DENND2B: variants seen among roughly 807,000 people sequenced by gnomAD.
DENND2B encodes DENN domain containing 2B.
In DENND2B, 32 loss-of-function variants were observed where a neutral mutation model predicts 116.0. The observed-to-expected ratio is 0.28, with a 90% CI of 0.21 to 0.37. DENND2B has a LOEUF of 0.37. DENND2B is among the 10% of genes least tolerant of loss of function. The pLI is 1.00. For missense variants in DENND2B, 1,276 were observed against 1,477.7 expected, an observed-to-expected ratio of 0.86 and a Z score of 2.24; for synonymous variants, 588 against 583.9, an observed-to-expected ratio of 1.01 and a Z score of -0.10.
chr11:8,733,537 C>T (rs2048459267), intron 2 of DENND2B, among the ~76,000 whole-genome samples: 1 of 152,186 alleles, frequency 6.6e-6, no homozygotes, highest in Non-Finnish European at 1.5e-5. Flanking sequence ...AGATGGCAGG[C>T]ACCTAATGAG....
upstream of DENND2B, among the ~76,000 whole-genome samples, chr11:8,812,972 C>G (rs950822765): frequency 3.7e-4 from 57 of 152,192 alleles, 1 homozygote; most frequent in African/African-American, 1.1e-3. Flanking sequence ...TTTATTGACA[C>G]GAGGTCTTAT....
chr11:8,800,911 G>A (rs1161218240), intron 1 of DENND2B, among the ~76,000 whole-genome samples: 4 of 152,064 alleles, frequency 2.6e-5, no homozygotes, highest in African/African-American at 9.7e-5. Flanking sequence ...TGAAAGAGGA[G>A]TGAGACTGCT....
At chr11:8,789,062 C>T (rs2059155074) in intron 1 of DENND2B, among the ~76,000 whole-genome samples, 1 of 152,198 alleles carries the variant, frequency 6.6e-6, no homozygotes, top group Non-Finnish European at 1.5e-5. Context: ...AATTGCTAGT[C>T]AGATACCACA....
chr11:8,780,002 G>T (rs528683424), intron 1 of DENND2B, among the ~76,000 whole-genome samples: 1 of 152,324 alleles, frequency 6.6e-6, no homozygotes, highest in East Asian at 1.9e-4. Context: ...AACTATTCCT[G>T]TGTTGGCCTG....
intron 4 of DENND2B, chr11:8,832,451 CAAAA>C (rs10715263): frequency 2.0e-5 from 2 of 100,650 alleles, no homozygotes; most frequent in Non-Finnish European, 4.2e-5. Flanking sequence ...ACTCTGTCTC[CAAAA>C]AAAAAAAAAA....
At chr11:8,772,128 T>TACACACACACACACACACACAC (rs143227157) in intron 1 of DENND2B, among the ~76,000 whole-genome samples, 19 of 147,258 alleles carry the variant, frequency 1.3e-4, no homozygotes, top group African/African-American at 4.8e-4. Flanking sequence ...ATGGAAGCTC[T>TACACACACACACACACACACAC]ACACACACAC....
chr11:8,727,174 T>C (rs2047216711), intron 3 of DENND2B, among the ~76,000 whole-genome samples: 1 of 152,206 alleles, frequency 6.6e-6, no homozygotes, highest in African/African-American at 2.4e-5. Flanking sequence ...GGAAAGGCAC[T>C]GACTGGATCC....
intron 4 of DENND2B, among the ~76,000 whole-genome samples, chr11:8,833,461 T>C (rs2062296505): frequency 6.6e-6 from 1 of 152,082 alleles, no homozygotes; most frequent in Non-Finnish European, 1.5e-5. Context: ...AGATGACACT[T>C]CCCCTTCTCA....
intron 1 of DENND2B, chr11:8,776,663 C>G (rs1431605667): frequency 1.1e-5 from 2 of 190,384 alleles, no homozygotes; most frequent in Non-Finnish European, 2.2e-5. Context: ...GCCACCACGG[C>G]CTAGTGGCTT....
chr11:8,757,494 A>G (rs1480950812), intron 1 of DENND2B, among the ~76,000 whole-genome samples: 1 of 152,224 alleles, frequency 6.6e-6, no homozygotes, highest in Non-Finnish European at 1.5e-5. Flanking sequence ...GACTCCAGGA[A>G]GGCCTCATCA....
At chr11:8,820,840 G>A (rs1304164681) in intron 4 of DENND2B, among the ~76,000 whole-genome samples, 3 of 152,154 alleles carry the variant, frequency 2.0e-5, no homozygotes, top group African/African-American at 7.2e-5. Context: ...AGATGACTAT[G>A]GCTGGGTGCA....
At chr11:8,807,136 A>C (rs570687417) in intron 1 of DENND2B, among the ~76,000 whole-genome samples, 1 of 152,120 alleles carries the variant, frequency 6.6e-6, no homozygotes, top group Admixed American at 6.5e-5. Context: ...AGCCTCAACT[A>C]TGTGTTCCCC....
chr11:8,725,091 T>C (rs1231741953), intron 4 of DENND2B, among the ~76,000 whole-genome samples: 1 of 152,190 alleles, frequency 6.6e-6, no homozygotes, highest in East Asian at 1.9e-4. Context: ...GCCAGCACCA[T>C]GAAACTGGGG....
chr11:8,875,075 G>A (rs1030575694), upstream of DENND2B, among the ~76,000 whole-genome samples: 2 of 152,144 alleles, frequency 1.3e-5, no homozygotes, highest in African/African-American at 2.4e-5. Flanking sequence ...AGTAATCCCA[G>A]CACTTTGGGA....
At chr11:8,879,305 G>A (rs2063877307) in intron 2 of DENND2B, among the ~76,000 whole-genome samples, 1 of 152,146 alleles carries the variant, frequency 6.6e-6, no homozygotes, top group African/African-American at 2.4e-5. Flanking sequence ...CCGGATCCCT[G>A]AATAAACCAA....
intron 1 of DENND2B, among the ~76,000 whole-genome samples, chr11:8,788,475 T>A (rs900189890): frequency 3.3e-5 from 5 of 152,312 alleles, no homozygotes; most frequent in Admixed American, 3.3e-4. Flanking sequence ...TCTCACCTTG[T>A]CTTCTTCCAC....
intron 1 of DENND2B, among the ~76,000 whole-genome samples, chr11:8,894,124 C>A (rs2064069263): frequency 6.6e-6 from 1 of 152,090 alleles, no homozygotes; most frequent in African/African-American, 2.4e-5. Context: ...CTTTGACGAA[C>A]CTGACAAAAA....
intron 1 of DENND2B, among the ~76,000 whole-genome samples, chr11:8,903,296 C>T (rs1055362784): frequency 4.0e-5 from 6 of 151,288 alleles, no homozygotes; most frequent in Non-Finnish European, 8.8e-5. Context: ...ACCTGTAATC[C>T]CTGTTACTTG....
At chr11:8,821,266 C>A (rs2061752398) in intron 4 of DENND2B, among the ~76,000 whole-genome samples, 1 of 151,682 alleles carries the variant, frequency 6.6e-6, no homozygotes, top group Admixed American at 6.6e-5. Flanking sequence ...CACTGTATAT[C>A]TTTTTGTACC....
Sources: allele counts gnomAD v4.1 joint callset (sites outside exome capture counted in the v4.1 genomes callset), GRCh38; gene constraint gnomAD v4.1.1; transcripts MANE v1.5; gene names NCBI Gene and HGNC (gene_info 2026-07-23, HGNC 2026-07-21).